Variants in TAF4B observed in about 807,000 individuals in gnomAD.
TAF4B encodes TATA-box binding protein associated factor 4b, also known as transcription initiation factor TFIID subunit 4B.
A neutral mutation model predicts 86.4 loss-of-function variants in TAF4B; 38 were observed. The ratio of observed to expected loss-of-function variants is 0.44; its 90% CI spans 0.34 to 0.58. The LOEUF is 0.58. Among genes scored for constraint, TAF4B ranks in the 20% least tolerant of loss-of-function variants. TAF4B has a pLI of 0.02. For missense variants in TAF4B, 988 were observed against 1,027.6 expected (o/e 0.96, Z 0.53); for synonymous variants, 388 against 391.2 (o/e 0.99, Z 0.10).
Position 26,390,893 on chromosome 18 carries a change from T to A in TAF4B, c.*881T>A, listed in dbSNP as rs2144423601. ...ATCACAGCACAACCAGAAAGGAGAA[T>A]GTACCAGATGTTTTCAAATTAGAGT... is the stretch of plus-strand genomic sequence containing the variant. On this transcript the variant is annotated 3_prime_UTR_variant, in exon 15 of 15. Coordinates refer to ENST00000269142, the MANE Select transcript of TAF4B (RefSeq NM_005640.3). 6.6e-6 allele frequency: 1 copy of A among 152,308 alleles called. No homozygotes were observed. Among genetic ancestry groups the A allele is most frequent in the Non-Finnish European group, 1.5e-5 (1 of 68,016 alleles). The allele number at this position is 152,308 out of a possible 1,614,324, so 9.4% of individuals were successfully genotyped here.
chr18:26,247,405 C>T (rs1283983775), intron 1 of TAF4B, among the ~76,000 whole-genome samples: 1 of 152,176 alleles, frequency 6.6e-6, no homozygotes, highest in African/African-American at 2.4e-5. Flanking sequence ...TATGAGGACC[C>T]TCCAAATTCT....
intron 14 of TAF4B, among the ~76,000 whole-genome samples, chr18:26,371,469 C>G (rs1302849599): frequency 6.6e-5 from 10 of 152,190 alleles, no homozygotes. Context: ...TGACATCAAA[C>G]TAGGTCCTGG....
chr18:26,330,078 A>G (rs1396844331), intron 12 of TAF4B, among the ~76,000 whole-genome samples: 1 of 152,168 alleles, frequency 6.6e-6, no homozygotes, highest in African/African-American at 2.4e-5. Context: ...TGATACCAAT[A>G]TCCAATTCCT....
chr18:26,268,314 T>C (rs1262230588), intron 3 of TAF4B, among the ~76,000 whole-genome samples: 1 of 152,188 alleles, frequency 6.6e-6, no homozygotes, highest in Non-Finnish European at 1.5e-5. Flanking sequence ...GTTCTGGGAT[T>C]CTCATGGTTT....
chr18:26,260,488 C>T (rs1598734962), intron 1 of TAF4B, among the ~76,000 whole-genome samples: 1 of 152,150 alleles, frequency 6.6e-6, no homozygotes, highest in East Asian at 1.9e-4. Context: ...CCAGTTTCAG[C>T]TTTCTACATA....
Position 26,315,128 on chromosome 18 carries a change from CTCTCTCTCTCTCTCTCTG to C in TAF4B, c.1833-84_1833-67del, listed in dbSNP as rs1192398646. 68 of 332,682 alleles carry C rather than the reference CTCTCTCTCTCTCTCTCTG, an allele frequency of 2.0e-4. 1 individual carries two copies. The highest frequency in any genetic ancestry group is 1.4e-3 in the African/African-American group (36 of 26,038). The allele number at this position is 332,682 out of a possible 1,614,324, so 20.6% of individuals were successfully genotyped here. A position where few individuals can be genotyped will look rare whatever the true frequency, so the allele number is the denominator to read the frequency against. ...TCTCTCTCTCTCTCTCTCTCTCTCT[CTCTCTCTCTCTCTCTCTG>C]TCTCTCTCTCTCTCTCACACACACA... On this transcript the variant is annotated intron_variant, in intron 9 of 14. Transcript: ENST00000269142.
chr18:26,237,591 G>A (rs1365955549), intron 1 of TAF4B, among the ~76,000 whole-genome samples: 4 of 152,078 alleles, frequency 2.6e-5, no homozygotes, highest in Admixed American at 6.6e-5. Flanking sequence ...AGGGAAGCTA[G>A]GATATGGAGG....
At chr18:26,347,500 G>A (rs1396223655) in intron 13 of TAF4B, among the ~76,000 whole-genome samples, 2 of 152,102 alleles carry the variant, frequency 1.3e-5, no homozygotes, top group African/African-American at 4.8e-5. Flanking sequence ...AATACTAAAA[G>A]ATGAAGAAAG....
chr18:26,333,172 GTTT>G (rs779973386), intron 12 of TAF4B, among the ~76,000 whole-genome samples: 3 of 150,488 alleles, frequency 2.0e-5, no homozygotes, highest in Admixed American at 6.6e-5. Context: ...CTTTATTTTT[GTTT>G]TTAATTTAAT....
At chr18:26,379,862 T>C (rs778512285) in intron 14 of TAF4B, among the ~76,000 whole-genome samples, 1 of 152,182 alleles carries the variant, frequency 6.6e-6, no homozygotes, top group Admixed American at 6.5e-5. Flanking sequence ...TAGTTTTCCA[T>C]GTACAAGTCT....
intron 1 of TAF4B, among the ~76,000 whole-genome samples, chr18:26,254,018 C>T (rs527425644): frequency 5.3e-5 from 8 of 151,104 alleles, no homozygotes; most frequent in South Asian, 2.1e-4. Flanking sequence ...CTCTGCCTCC[C>T]GGGTTCAAGC....
At chr18:26,289,439 T>G (rs942507799) in intron 7 of TAF4B, among the ~76,000 whole-genome samples, 1 of 152,226 alleles carries the variant, frequency 6.6e-6, no homozygotes, top group Non-Finnish European at 1.5e-5. Flanking sequence ...AATTCCTTTT[T>G]AATGTTTATT....
intron 13 of TAF4B, among the ~76,000 whole-genome samples, chr18:26,339,724 G>C (rs1311090266): frequency 6.6e-6 from 1 of 152,196 alleles, no homozygotes; most frequent in African/African-American, 2.4e-5. Context: ...TCTATGATGT[G>C]TGTTATGTGT....
At chr18:26,294,995 C>G (rs976170602) in intron 9 of TAF4B, among the ~76,000 whole-genome samples, 2 of 149,342 alleles carry the variant, frequency 1.3e-5, no homozygotes, top group African/African-American at 4.9e-5. Context: ...AAAACACTGT[C>G]CAGGAAATGA....
chr18:26,369,204 A>G (rs1041740445), intron 14 of TAF4B, among the ~76,000 whole-genome samples: 19 of 152,342 alleles, frequency 1.2e-4, no homozygotes, highest in Middle Eastern at 6.8e-3. Context: ...AAAACAAGGC[A>G]TGAAGCAGAA....
intron 1 of TAF4B, among the ~76,000 whole-genome samples, chr18:26,261,242 C>T (rs375406025): frequency 0.012 from 1,423 of 119,076 alleles, 37 homozygotes; most frequent in African/African-American, 0.04. Flanking sequence ...AGTGCAGTGG[C>T]GGGATCTCGG....
chr18:26,337,405 T>C (rs550648969), intron 13 of TAF4B, among the ~76,000 whole-genome samples: 44 of 150,228 alleles, frequency 2.9e-4, no homozygotes, highest in Admixed American at 8.9e-4. Flanking sequence ...CATATCTTTT[T>C]TCTTTTCTTT....
intron 1 of TAF4B, chr18:26,255,924 TCTGAGC>T: frequency 8.0e-7 from 1 of 1,255,460 alleles, no homozygotes. Context: ...CATCTCTGTA[TCTGAGC>T]CGTCATCTGA....
intron 14 of TAF4B, among the ~76,000 whole-genome samples, chr18:26,376,976 A>G (rs2057447269): frequency 6.6e-6 from 1 of 151,968 alleles, no homozygotes; most frequent in Non-Finnish European, 1.5e-5. Context: ...GGTGTATTAC[A>G]TTGATTGATT....
Sources: gnomAD v4.1 joint callset for allele counts (sites outside exome capture counted in the v4.1 genomes callset) on GRCh38, gnomAD v4.1.1 for gene constraint, MANE v1.5 for transcripts, NCBI Gene and HGNC (gene_info 2026-07-23, HGNC 2026-07-21) for gene names.